RBFOX2: variants seen among roughly 807,000 people sequenced by gnomAD.
RBFOX2 encodes the protein RNA binding protein fox-1 homolog 2.
Under a neutral mutation model 49.1 loss-of-function variants are expected in RBFOX2, and 10 were observed. That is an observed-to-expected ratio of 0.20 (90% CI 0.13 to 0.35). RBFOX2 has a LOEUF of 0.35. RBFOX2 is among the 10% of genes least tolerant of loss of function. RBFOX2 has a pLI of 1.00. For missense variants in RBFOX2, 323 were observed against 486.9 expected, an observed-to-expected ratio of 0.66 and a Z score of 3.17; for synonymous variants, 183 against 187.4, an observed-to-expected ratio of 0.98 and a Z score of 0.19.
At chr22:35,744,885 G>A (rs1931878780) in intron 11 of RBFOX2, among the ~76,000 whole-genome samples, 1 of 152,078 alleles carries the variant, frequency 6.6e-6, no homozygotes, top group Admixed American at 6.5e-5. Flanking sequence ...TTATCTAATG[G>A]CTTATCTCTT....
At chr22:35,841,978 G>A (rs1337514469), upstream of RBFOX2, among the ~76,000 whole-genome samples, 1 of 151,976 alleles carries the variant, frequency 6.6e-6, no homozygotes, top group Non-Finnish European at 1.5e-5. Flanking sequence ...GGATTTCTTG[G>A]GCCCAGAAGC....
chr22:35,764,266 T>C (rs1301263293), intron 6 of RBFOX2, among the ~76,000 whole-genome samples: 1 of 152,102 alleles, frequency 6.6e-6, no homozygotes, highest in African/African-American at 2.4e-5. Context: ...ACAGCCATAC[T>C]CTAGCAGTGG....
chr22:35,927,887 CA>C (rs1446434014), intron 1 of RBFOX2, among the ~76,000 whole-genome samples: 1 of 152,060 alleles, frequency 6.6e-6, no homozygotes, highest in Non-Finnish European at 1.5e-5. Context: ...CTAGAAATTT[CA>C]AATCTACAGA....
intron 2 of RBFOX2, among the ~76,000 whole-genome samples, chr22:35,784,830 C>T (rs1312090429): frequency 6.6e-6 from 1 of 152,196 alleles, no homozygotes; most frequent in African/African-American, 2.4e-5. Flanking sequence ...GCGACCACCG[C>T]CGGCAGATTG....
At chr22:35,880,247 G>A (rs182733133) in intron 1 of RBFOX2, among the ~76,000 whole-genome samples, 1 of 150,736 alleles carries the variant, frequency 6.6e-6, no homozygotes, top group East Asian at 1.9e-4. Flanking sequence ...GGACCGCAGT[G>A]AGGGAGAAAG....
In RBFOX2 at chr22:35,746,330, G is replaced by A. The variant is rs1465526488; in HGVS notation, c.976+143C>T. 22 of 733,184 alleles carry A rather than the reference G, an allele frequency of 3.0e-5. 2 individuals are homozygous for A. The South Asian group carries it at 3.8e-4, about 13-fold the overall frequency. 45.4% of individuals were successfully genotyped at this position (733,184 alleles called of 1,614,324 possible). A position where few individuals can be genotyped will look rare whatever the true frequency, so the allele number is the denominator to read the frequency against. ...CTTTAGGCATGACAGAGGCCATCAA[G>A]AGGTCTGCAGAAAGCCCAGGCTGGC... On this transcript the variant is annotated intron_variant, in intron 10 of 11. Coordinates refer to ENST00000405409, the Ensembl canonical transcript of RBFOX2.
intron 1 of RBFOX2, chr22:35,840,120 A>C: frequency 6.5e-7 from 1 of 1,549,266 alleles, no homozygotes; most frequent in Non-Finnish European, 8.9e-7. Context: ...TTCTTACTAT[A>C]CTCCACCCTC....
At chr22:35,861,806 AAAG>A (rs2043128367) in intron 1 of RBFOX2, among the ~76,000 whole-genome samples, 1 of 152,238 alleles carries the variant, frequency 6.6e-6, no homozygotes, top group Non-Finnish European at 1.5e-5. Context: ...AAGAACATAT[AAAG>A]AATATGAATA....
rs567111796 is a variant in RBFOX2, at chr22:35,768,893, T to A, written c.454-544A>T. 1.2e-4 allele frequency among the ~76,000 whole-genome samples: 18 copies of A among 152,334 alleles called. No individual in the cohort carries two copies. The South Asian group carries it at 2.5e-3, about 21-fold the overall frequency. The stretch of plus-strand genomic sequence containing the variant: ...TTTAGCCCCACGTTGCCTGTTGCTT[T>A]TATCACTATTAATTCCTTTGGGAAC... On this transcript the variant is annotated intron_variant, in intron 4 of 11. Coordinates refer to ENST00000405409, the Ensembl canonical transcript of RBFOX2.
intron 2 of RBFOX2, among the ~76,000 whole-genome samples, chr22:35,797,948 T>C (rs186021998): frequency 1.3e-5 from 2 of 152,310 alleles, no homozygotes; most frequent in East Asian, 3.9e-4. Flanking sequence ...CATTACTCTC[T>C]TTCTAGCACT....
intron 1 of RBFOX2, among the ~76,000 whole-genome samples, chr22:35,884,314 G>C (rs1392173276): frequency 6.6e-6 from 1 of 152,074 alleles, no homozygotes; most frequent in Non-Finnish European, 1.5e-5. Flanking sequence ...CTATTTCTAT[G>C]TAACAATTCA....
At chr22:35,869,405 T>A (rs2044075779) in intron 1 of RBFOX2, among the ~76,000 whole-genome samples, 1 of 135,232 alleles carries the variant, frequency 7.4e-6, no homozygotes, top group Non-Finnish European at 1.5e-5. Flanking sequence ...GTGATTTACC[T>A]GCCTCAGCCT....
chr22:35,847,364 A>G (rs761002562), intron 1 of RBFOX2, among the ~76,000 whole-genome samples: 3 of 152,224 alleles, frequency 2.0e-5, no homozygotes, highest in Non-Finnish European at 4.4e-5. Context: ...TTAATTAAAA[A>G]TAGATGTAAA....
chr22:35,884,766 G>T (rs1273547003), intron 1 of RBFOX2, among the ~76,000 whole-genome samples: 2 of 152,150 alleles, frequency 1.3e-5, no homozygotes, highest in African/African-American at 4.8e-5. Context: ...CAGGAGGTGG[G>T]GATCACTAGG....
At chr22:35,900,272 C>T (rs1017606766) in intron 1 of RBFOX2, among the ~76,000 whole-genome samples, 1 of 152,040 alleles carries the variant, frequency 6.6e-6, no homozygotes, top group Non-Finnish European at 1.5e-5. Context: ...TGCCACCACA[C>T]CCAGCTATTT....
exon 12 of RBFOX2, chr22:35,741,131 A>C (rs1011309095): frequency 2.0e-5 from 3 of 152,274 alleles, no homozygotes; most frequent in Non-Finnish European, 4.4e-5. Context: ...ATCTGAGTTA[A>C]TGGAAATTGA....
At chr22:35,761,606 G>T in intron 6 of RBFOX2, 138 bp from the exon 8 acceptor site, 4 of 820,092 alleles carry the variant, frequency 4.9e-6, no homozygotes, top group East Asian at 5.3e-5. Context: ...CCAGCTTGGG[G>T]TTTATATGAG....
intron 1 of RBFOX2, among the ~76,000 whole-genome samples, chr22:35,969,798 GT>G (rs1157305205): frequency 2.6e-5 from 4 of 152,162 alleles, no homozygotes; most frequent in Non-Finnish European, 5.9e-5. Context: ...TCTGAGAAGG[GT>G]TTGGAATTTA....
intron 1 of RBFOX2, among the ~76,000 whole-genome samples, chr22:35,814,823 G>A (rs1176639187): frequency 6.6e-6 from 1 of 151,884 alleles, no homozygotes; most frequent in African/African-American, 2.4e-5. Flanking sequence ...GGGAGGCCAA[G>A]GAGGGAGGAT....
Sources: gnomAD v4.1 joint callset for allele counts (sites outside exome capture counted in the v4.1 genomes callset) on GRCh38, gnomAD v4.1.1 for gene constraint, MANE v1.5 for transcripts, NCBI Gene and HGNC (gene_info 2026-07-23, HGNC 2026-07-21) for gene names.